Variants in TASP1 observed in about 807,000 individuals in gnomAD.
The protein encoded by TASP1 is taspase 1.
In TASP1, 16 loss-of-function variants were observed where a neutral mutation model predicts 56.6. That is an observed-to-expected ratio of 0.28 (90% CI 0.19 to 0.43). TASP1 has a LOEUF of 0.43. TASP1 is among the 20% of genes least tolerant of loss of function. The probability of loss-of-function intolerance (pLI) is 1.00; values close to 1 mark genes in which losing one functional copy is unlikely to be tolerated. For synonymous variants in TASP1, 179 were observed against 184.2 expected (o/e 0.97, Z 0.23); for missense variants, 393 against 511.6 (o/e 0.77, Z 2.24).
rs1354507703 is a variant in TASP1, at chr20:13,630,006, T to C, written c.73A>G (p.Ile25Val). 6.2e-7 allele frequency: 1 copy of C among 1,614,074 alleles called. No individual in the cohort carries two copies. The highest frequency in any genetic ancestry group is 1.7e-5 in the Admixed American group (1 of 59,994). The change falls in exon 2 of 14, where the codon ATA becomes GTA. Residue 25 changes from isoleucine to valine, a missense_variant. Ile to Val is a conservative substitution (Grantham distance 29). Coordinates refer to ENST00000337743, the MANE Select transcript of TASP1 (RefSeq NM_017714.3). ...TTTGTTTCCAACTCTTTGGCTGTTA[T>C]TTTACCAGCCGAAACCTGAGATGAT... is the stretch of plus-strand genomic sequence containing the variant. ...SRSSQVSAGK[I>V]TAKELETKQS...
At chr20:13,433,992 A>ACAAGTGAT (rs1429475437) in intron 12 of TASP1, among the ~76,000 whole-genome samples, 31 of 152,324 alleles carry the variant, frequency 2.0e-4, no homozygotes, top group African/African-American at 7.5e-4. Context: ...AAGATTAGAC[A>ACAAGTGAT]CAAGTGATAC....
the TASP1 span, among the ~76,000 whole-genome samples, chr20:13,329,454 T>C: frequency 1.9e-4 from 29 of 152,224 alleles, no homozygotes; most frequent in Non-Finnish European, 2.9e-5. Flanking sequence ...CCTTTCTAGC[T>C]TCCTGAACTG....
chr20:13,209,055 T>A, the TASP1 span, among the ~76,000 whole-genome samples: 1 of 152,160 alleles, frequency 6.6e-6, no homozygotes, highest in Non-Finnish European at 1.5e-5. Context: ...GTAAACCTTA[T>A]ATGTGCTTGT....
intron 12 of TASP1, among the ~76,000 whole-genome samples, chr20:13,423,078 T>A (rs370088407): frequency 2.0e-5 from 3 of 152,346 alleles, no homozygotes; most frequent in African/African-American, 7.2e-5. Flanking sequence ...AGAATCTTCA[T>A]CAAAGTAGCT....
chr20:13,224,050 C>T, the TASP1 span, among the ~76,000 whole-genome samples: 1 of 151,966 alleles, frequency 6.6e-6, no homozygotes, highest in African/African-American at 2.4e-5. Flanking sequence ...TGAAGAACTG[C>T]CCCAAGAGGA....
At chr20:13,475,383 A>T (rs2044687228) in intron 11 of TASP1, among the ~76,000 whole-genome samples, 1 of 152,162 alleles carries the variant, frequency 6.6e-6, no homozygotes, top group Non-Finnish European at 1.5e-5. Context: ...AGTTCTTTCC[A>T]TCATTTAAAA....
chr20:13,309,343 A>G, the TASP1 span, among the ~76,000 whole-genome samples: 1 of 152,150 alleles, frequency 6.6e-6, no homozygotes, highest in South Asian at 2.1e-4. Context: ...ATCTCAAGAG[A>G]TGAAGAGAGT....
rs567994656 is a variant in TASP1, at chr20:13,401,879, G to A, written c.1171-11427C>T. On this transcript the variant is annotated intron_variant, in intron 13 of 13. Coordinates refer to ENST00000337743, the MANE Select transcript of TASP1 (RefSeq NM_017714.3). ...GGGAAGATACATATTTATCTAAAAT[G>A]TTGGGTACTAGAAGGTAACAAGGTG... is the stretch of plus-strand genomic sequence containing the variant. 2.6e-5 allele frequency among the ~76,000 whole-genome samples: 4 copies of A among 152,308 alleles called. No individual in the cohort carries two copies. The South Asian group carries it at 8.3e-4, about 32-fold the overall frequency.
At chr20:13,434,060 A>C (rs2042919332) in intron 12 of TASP1, among the ~76,000 whole-genome samples, 1 of 152,160 alleles carries the variant, frequency 6.6e-6, no homozygotes, top group African/African-American at 2.4e-5. Context: ...CCATGGTGTT[A>C]AAAGTGAGCA....
At chr20:13,138,495 C>T in the TASP1 span, among the ~76,000 whole-genome samples, 1 of 152,170 alleles carries the variant, frequency 6.6e-6, no homozygotes, top group Non-Finnish European at 1.5e-5. Context: ...CCTAACCCAG[C>T]CCTCCAAATA....
At chr20:13,214,562 C>CAGAGAG in the TASP1 span, among the ~76,000 whole-genome samples, 27 of 111,366 alleles carry the variant, frequency 2.4e-4, no homozygotes, top group African/African-American at 6.5e-4. Flanking sequence ...CACACACACA[C>CAGAGAG]AGAGAGAGAG....
chr20:13,126,776 T>C, the TASP1 span: 1 of 1,591,990 alleles, frequency 6.3e-7, no homozygotes, highest in Non-Finnish European at 8.6e-7. Context: ...TCTGCCTCAT[T>C]AATCTCCCCG....
At chr20:13,512,002 C>T (rs1601066269) in intron 10 of TASP1, among the ~76,000 whole-genome samples, 1 of 151,960 alleles carries the variant, frequency 6.6e-6, no homozygotes, top group Non-Finnish European at 1.5e-5. Flanking sequence ...ATCCACTCTA[C>T]CATTGATGGA....
chr20:13,313,774 CAG>C, the TASP1 span, among the ~76,000 whole-genome samples: 3 of 152,094 alleles, frequency 2.0e-5, no homozygotes, highest in Admixed American at 6.5e-5. Flanking sequence ...TTTAAAGAAA[CAG>C]AGCAAGCCAT....
rs192008820 is a variant in TASP1 at position 13,411,036 on chromosome 20, C to A, written c.1170+6412G>T. ...AGAGAGTCAGGCATTCAGTTTCATT[C>A]TTCTGCATATGAATATCTAATTTTC... On this transcript the variant is annotated intron_variant, in intron 13 of 13. Coordinates refer to ENST00000337743, the MANE Select transcript of TASP1 (RefSeq NM_017714.3). 3.2e-3 allele frequency among the ~76,000 whole-genome samples: 486 copies of A among 152,252 alleles called. 2 individuals carry two copies. The highest frequency in any genetic ancestry group is 0.01 in the East Asian group (53 of 5,178).
the TASP1 span, among the ~76,000 whole-genome samples, chr20:13,147,612 G>A: frequency 2.0e-5 from 3 of 152,168 alleles, no homozygotes; most frequent in African/African-American, 7.2e-5. Flanking sequence ...GACCACTGCA[G>A]GCATTCTTTA....
chr20:13,626,664 A>G (rs7273818), intron 2 of TASP1, among the ~76,000 whole-genome samples: 18,578 of 152,136 alleles, frequency 0.12, 1,443 homozygotes, highest in East Asian at 0.22. Context: ...CTGTTTCTCA[A>G]GAGAACTCTG....
the TASP1 span, among the ~76,000 whole-genome samples, chr20:13,111,193 TC>T: frequency 6.6e-6 from 1 of 152,198 alleles, no homozygotes; most frequent in Non-Finnish European, 1.5e-5. Context: ...ATGTTCCCAG[TC>T]CTACTGTGGG....
the TASP1 span, among the ~76,000 whole-genome samples, chr20:13,326,592 T>C: frequency 3.3e-5 from 5 of 152,310 alleles, no homozygotes; most frequent in East Asian, 9.6e-4. Flanking sequence ...GTTGTTAGTT[T>C]GATTTCCTTA....
Sources: gnomAD v4.1 joint callset for allele counts (sites outside exome capture counted in the v4.1 genomes callset) on GRCh38, gnomAD v4.1.1 for gene constraint, MANE v1.5 for transcripts, NCBI Gene and HGNC (gene_info 2026-07-23, HGNC 2026-07-21) for gene names.